Variants in PCDHGB4 observed in about 807,000 individuals in gnomAD.
PCDHGB4 encodes the protein protocadherin gamma subfamily B, 4.
Under a neutral mutation model 60.5 loss-of-function variants are expected in PCDHGB4, and 38 were observed. The observed-to-expected ratio is 0.63, with a 90% CI of 0.48 to 0.82. The LOEUF (loss-of-function observed/expected upper bound fraction) is 0.82. Among genes scored for constraint, PCDHGB4 ranks in the 40% least tolerant of loss-of-function variants. The pLI, the probability that PCDHGB4 is intolerant of heterozygous loss-of-function variation, is 0.00. For missense variants in PCDHGB4, 1,109 were observed against 1,209.6 expected, an observed-to-expected ratio of 0.92 and a Z score of 1.23; for synonymous variants, 456 against 509.7, an observed-to-expected ratio of 0.89 and a Z score of 1.42.
At chr5:141,395,151 A>G in intron 1 of PCDHGB4, 1 of 1,612,516 alleles carries the variant, frequency 6.2e-7, no homozygotes, top group Non-Finnish European at 8.5e-7. Flanking sequence ...AGACATGCTC[A>G]TCAGTCAGGA....
intron 1 of PCDHGB4, chr5:141,411,535 G>C (rs945278706): frequency 6.6e-6 from 1 of 152,274 alleles, no homozygotes; most frequent in Non-Finnish European, 1.5e-5. Context: ...AGTGAGCCCT[G>C]ATCTTGCCAC....
chr5:141,431,965 T>C lies in PCDHGB4; in HGVS notation c.2397+41684T>C, dbSNP rs765281339. The C allele has an allele frequency of 4.0e-5, 64 of 1,614,098 alleles. No homozygotes were observed. In the East Asian group the frequency reaches 4.9e-4, roughly 12 times the overall value. On this transcript the variant is annotated intron_variant, in intron 1 of 3. Transcript: ENST00000519479. This position sits in a 1 kb window ranked among gnomAD's most constrained non-coding sequence, Gnocchi z 4.8. Reference sequence around the variant, plus strand: ...TAGAAAAATCTTACGGAAATTACTATAGTTTAGTCACAGACATAGTCTTGG... The same window carrying C: ...TAGAAAAATCTTACGGAAATTACTACAGTTTAGTCACAGACATAGTCTTGG...
chr5:141,483,648 TTGTGTGTGTGTGTG>T (rs111458813), intron 1 of PCDHGB4, among the ~76,000 whole-genome samples: 1 of 149,592 alleles, frequency 6.7e-6, no homozygotes, highest in Non-Finnish European at 1.5e-5. Flanking sequence ...GGGTGTGTGT[TTGTGTGTGTGTGTG>T]TGTGTGTAAA....
chr5:141,413,077 G>A (rs2095603422), intron 1 of PCDHGB4: 1 of 1,287,542 alleles, frequency 7.8e-7, no homozygotes, highest in African/African-American at 1.5e-5. Context: ...AAGTGCCCAG[G>A]CTACAGAGAC....
chr5:141,393,098 C>G (rs1172367083), intron 1 of PCDHGB4: 1 of 1,613,610 alleles, frequency 6.2e-7, no homozygotes, highest in African/African-American at 1.3e-5. Flanking sequence ...GGGAGGAGCT[C>G]TGCGCTCAGA....
chr5:141,454,740 G>GAGGCC (rs2098797560), intron 1 of PCDHGB4, among the ~76,000 whole-genome samples: 1 of 147,160 alleles, frequency 6.8e-6, no homozygotes, highest in Non-Finnish European at 1.5e-5. Flanking sequence ...AGGATGAAAA[G>GAGGCC]AGGCCAAACT....
rs748950800 is a variant in PCDHGB4, at chr5:141,476,983, C to T, written c.2398-17824C>T. ...ACTCCTTCGGCAGCCACAACCGCGC[C>T]GGCGTGCGGCAACTATTCGCCTTAG... On this transcript the variant is annotated intron_variant, in intron 1 of 3. Transcript: ENST00000519479. The surrounding 1 kb of genome is among the most constrained non-coding windows in gnomAD (Gnocchi z 7.6). 12 of 1,614,096 alleles carry T rather than the reference C, an allele frequency of 7.4e-6. No individual in the cohort carries two copies. The highest frequency in any genetic ancestry group is 8.5e-7 in the Non-Finnish European group (1 of 1,180,046).
intron 1 of PCDHGB4, among the ~76,000 whole-genome samples, chr5:141,482,127 T>C (rs2099553382): frequency 6.6e-6 from 1 of 151,774 alleles, no homozygotes; most frequent in African/African-American, 2.4e-5. Flanking sequence ...GGGAGAATCA[T>C]ATGGCTGGCA....
chr5:141,421,467 G>T (rs1436543181), intron 1 of PCDHGB4: 1 of 1,614,132 alleles, frequency 6.2e-7, no homozygotes, highest in South Asian at 1.1e-5. Flanking sequence ...CTGTGAATCC[G>T]CGAAGCGGCA....
At position 141,512,114 on chromosome 5, in the gene PCDHGB4, C is replaced by T. The variant is rs2099884080; in HGVS notation, c.*941C>T. ...TAACTAGGCTGGACCCTTCCCACTA[C>T]ATAATAGGGCTCAGCCCAGGCAGCC... On this transcript the variant is annotated 3_prime_UTR_variant, in exon 4 of 4. Coordinates refer to ENST00000519479, the MANE Select transcript of PCDHGB4 (RefSeq NM_003736.4). 2 of 152,696 alleles carry T rather than the reference C, an allele frequency of 1.3e-5. No homozygotes were observed. Among genetic ancestry groups the T allele is most frequent in the African/African-American group, 4.8e-5 (2 of 41,468 alleles). 9.5% of individuals were successfully genotyped at this position (152,696 alleles called of 1,614,324 possible).
chr5:141,403,434 A>G, intron 1 of PCDHGB4: 1 of 1,614,024 alleles, frequency 6.2e-7, no homozygotes, highest in Non-Finnish European at 8.5e-7. Flanking sequence ...ATTGATCCGG[A>G]TGTTGGCGTG....
At chr5:141,400,341 C>T in intron 1 of PCDHGB4, 7 of 1,614,070 alleles carry the variant, frequency 4.3e-6, no homozygotes, top group Non-Finnish European at 5.9e-6. Flanking sequence ...TTCCCCCCAA[C>T]TACAGTCAGG....
intron 1 of PCDHGB4, chr5:141,478,713 G>A (rs745990290): frequency 1.9e-6 from 3 of 1,546,642 alleles, no homozygotes; most frequent in African/African-American, 2.7e-5. Context: ...TTGTGAGATG[G>A]TGGCCTGCCA....
rs1442754847 is a variant in PCDHGB4, at chr5:141,390,026, A to G, written c.2142A>G (p.Arg714=). ...AMILAIALRL[R]RSSSPASWSC... ...TTCTGGCCATTGCCTTGCGCCTGCG[A>G]CGCTCCTCCAGCCCCGCCTCCTGGA... The change falls in exon 1 of 4, where the codon CGA becomes CGG. Residue 714 remains arginine (R), a synonymous_variant. Transcript: ENST00000519479. The G allele has an allele frequency of 1.2e-6, 2 of 1,613,826 alleles. No individual in the cohort carries two copies. Among genetic ancestry groups the G allele is most frequent in the Admixed American group, 1.7e-5 (1 of 60,004 alleles).
chr5:141,391,230 G>C (rs2092321546), intron 1 of PCDHGB4: 1 of 152,026 alleles, frequency 6.6e-6, no homozygotes, highest in Non-Finnish European at 1.5e-5. Flanking sequence ...TGAGCCTTTT[G>C]CTAGGTATAT....
intron 1 of PCDHGB4, among the ~76,000 whole-genome samples, chr5:141,482,048 G>A (rs375214441): frequency 1.3e-5 from 2 of 150,044 alleles, no homozygotes; most frequent in Non-Finnish European, 2.9e-5. Flanking sequence ...TCATGCTGTT[G>A]CATTCCAGCC....
At chr5:141,475,322 G>A (rs1352768659) in intron 1 of PCDHGB4, among the ~76,000 whole-genome samples, 1 of 152,204 alleles carries the variant, frequency 6.6e-6, no homozygotes, top group African/African-American at 2.4e-5. Flanking sequence ...CTTAAGAAAT[G>A]AGAGCTAACA....
At chr5:141,447,011 C>T (rs1213312322) in intron 1 of PCDHGB4, among the ~76,000 whole-genome samples, 1 of 143,918 alleles carries the variant, frequency 6.9e-6, no homozygotes. Flanking sequence ...TCCTAGTGTT[C>T]AGTTTTGTTT....
rs1348297963 is a variant in PCDHGB4, at chr5:141,487,103, G to A, written c.2398-7704G>A. 6.2e-7 allele frequency: 1 copy of A among 1,614,124 alleles called. No individual in the cohort carries two copies. Among genetic ancestry groups the A allele is most frequent in the Non-Finnish European group, 8.5e-7 (1 of 1,180,000 alleles). On this transcript the variant is annotated intron_variant, in intron 1 of 3. Coordinates refer to ENST00000519479, the MANE Select transcript of PCDHGB4 (RefSeq NM_003736.4). The surrounding 1 kb of genome is among the most constrained non-coding windows in gnomAD (Gnocchi z 5.0). ...AGCTGACCTCCCACCACAGAAGCTG[G>A]TCATTGTGGTAAAGGATAGTGGTAG...
Sources: allele counts gnomAD v4.1 joint callset (sites outside exome capture counted in the v4.1 genomes callset), GRCh38; gene constraint gnomAD v4.1.1; non-coding constraint Gnocchi (gnomAD v3.1); transcripts MANE v1.5; gene names NCBI Gene and HGNC (gene_info 2026-07-23, HGNC 2026-07-21).